ARHGEF10L: variants seen among roughly 807,000 people sequenced by gnomAD.
ARHGEF10L encodes the protein Rho guanine nucleotide exchange factor 10 like, also known as rho guanine nucleotide exchange factor 10-like protein.
A neutral mutation model predicts 141.2 loss-of-function variants in ARHGEF10L; 69 were observed. That is an observed-to-expected ratio of 0.49 (90% CI 0.40 to 0.60). The LOEUF (loss-of-function observed/expected upper bound fraction) is 0.60. Ranked by LOEUF, ARHGEF10L falls within the 20% of genes least tolerant of loss-of-function variation. The probability of loss-of-function intolerance (pLI) is 0.00; values close to 1 mark genes in which losing one functional copy is unlikely to be tolerated. For synonymous variants in ARHGEF10L, 711 were observed against 718.5 expected (o/e 0.99, Z 0.17); for missense variants, 1,482 against 1,734.3 (o/e 0.85, Z 2.58).
intron 1 of ARHGEF10L, among the ~76,000 whole-genome samples, chr1:17,543,857 A>G (rs1485245791): frequency 6.6e-6 from 1 of 151,864 alleles, no homozygotes; most frequent in East Asian, 2.0e-4. Context: ...CATGTTGGCC[A>G]GGCTGGTCTC....
At position 17,573,157 on chromosome 1, in the gene ARHGEF10L, A is replaced by T. The variant is rs1158429768; in HGVS notation, c.-43-7396A>T. 6.6e-6 allele frequency among the ~76,000 whole-genome samples: 1 copy of T among 151,964 alleles called. No individual in the cohort carries two copies. Among genetic ancestry groups the T allele is most frequent in the Non-Finnish European group, 1.5e-5 (1 of 67,960 alleles). On this transcript the variant is annotated intron_variant, in intron 1 of 28. Transcript: ENST00000361221. The surrounding 1 kb of genome is among the most constrained non-coding windows in gnomAD (Gnocchi z 4.8). ...GGGGGCTTTGGGTAGGTCCCTTCCC[A>T]TCTGAGCCTCAGCTTCCCTGTGTCT...
At chr1:17,595,523 G>A (rs1012574120) in intron 4 of ARHGEF10L, among the ~76,000 whole-genome samples, 1 of 152,292 alleles carries the variant, frequency 6.6e-6, no homozygotes, top group Non-Finnish European at 1.5e-5. Context: ...GTGATATGAT[G>A]CCACCTGAGG....
At chr1:17,602,904 T>C (rs1334063008) in intron 5 of ARHGEF10L, among the ~76,000 whole-genome samples, 1 of 151,644 alleles carries the variant, frequency 6.6e-6, no homozygotes, top group East Asian at 2.0e-4. Flanking sequence ...CGTGGTCTTG[T>C]AGGACAGGAA....
intron 1 of ARHGEF10L, among the ~76,000 whole-genome samples, chr1:17,548,009 T>C (rs192347991): frequency 2.0e-5 from 3 of 152,282 alleles, no homozygotes; most frequent in East Asian, 3.9e-4. Context: ...CCTTCTCTTA[T>C]CTGTTTTCTC....
At chr1:17,693,294 C>T (rs908149955) in intron 27 of ARHGEF10L, among the ~76,000 whole-genome samples, 2 of 152,184 alleles carry the variant, frequency 1.3e-5, no homozygotes, top group East Asian at 1.9e-4. Context: ...AGTGTCTGCT[C>T]CTTAAGACAG....
At chr1:17,655,831 C>T in intron 23 of ARHGEF10L, 48 bp from the exon 24 acceptor site, 1 of 1,518,038 alleles carries the variant, frequency 6.6e-7, no homozygotes, top group Non-Finnish European at 8.9e-7. Flanking sequence ...CTCCTCTGCT[C>T]CCTCCTGTGG....
At chr1:17,682,150 G>A (rs557848954) in intron 26 of ARHGEF10L, among the ~76,000 whole-genome samples, 2 of 152,278 alleles carry the variant, frequency 1.3e-5, no homozygotes, top group East Asian at 3.9e-4. Context: ...TTTCATCTGT[G>A]AGAAGTTCTA....
At chr1:17,632,017 C>A (rs1185104620) in intron 15 of ARHGEF10L, among the ~76,000 whole-genome samples, 2 of 152,200 alleles carry the variant, frequency 1.3e-5, no homozygotes, top group Non-Finnish European at 2.9e-5. Context: ...CAGGCAGAAT[C>A]CCTACAGAGA....
rs534503639 is a variant in ARHGEF10L, at chr1:17,673,499, C to T, written c.3009+8904C>T. Among the ~76,000 whole-genome samples the T allele has an allele frequency of 3.7e-4, 57 of 152,292 alleles. No individual in the cohort carries two copies. Among genetic ancestry groups the T allele is most frequent in the African/African-American group, 1.3e-3 (56 of 41,552 alleles). ...CAGGCCCTGGGTGTAATTAGGGAGG[C>T]TCCCTCCCTGGGTGGTTGGGAAGAA... is the stretch of plus-strand genomic sequence containing the variant. On this transcript the variant is annotated intron_variant, in intron 26 of 28. Transcript: ENST00000361221. The surrounding 1 kb of genome is among the most constrained non-coding windows in gnomAD (Gnocchi z 4.1).
At chr1:17,648,725 C>A (rs1170396338) in intron 22 of ARHGEF10L, 50 bp downstream of exon 22, 2 of 1,593,658 alleles carry the variant, frequency 1.3e-6, no homozygotes, top group Non-Finnish European at 1.7e-6. Context: ...GCTGCGGCTC[C>A]CCCTCGCCTG....
chr1:17,625,880 G>T lies in ARHGEF10L; in HGVS notation c.1318-76G>T. The T allele has an allele frequency of 7.7e-7, 1 of 1,306,242 alleles. No homozygotes were observed. The highest frequency in any genetic ancestry group is 2.3e-5 in the East Asian group (1 of 42,980). The allele number at this position is 1,306,242 out of a possible 1,614,324, so 80.9% of individuals were successfully genotyped here. A position where few individuals can be genotyped will look rare whatever the true frequency, so the allele number is the denominator to read the frequency against. On this transcript the variant is annotated intron_variant, in intron 13 of 28. Coordinates refer to ENST00000361221, the MANE Select transcript of ARHGEF10L (RefSeq NM_018125.4). This position sits in a 1 kb window ranked among gnomAD's most constrained non-coding sequence, Gnocchi z 4.5. ...GCCTGGGGAGAGGAGCCCAGAATGG[G>T]GACAGTGTCTGGACTCTGGGGCACT...
rs1220677560 is a variant in ARHGEF10L, at chr1:17,603,858, G to A, written c.433+267G>A. 6.6e-6 allele frequency among the ~76,000 whole-genome samples: 1 copy of A among 152,258 alleles called. No individual in the cohort carries two copies. The highest frequency in any genetic ancestry group is 1.5e-5 in the Non-Finnish European group (1 of 68,048). On this transcript the variant is annotated intron_variant, in intron 6 of 28. Transcript: ENST00000361221. The surrounding 1 kb of genome is among the most constrained non-coding windows in gnomAD (Gnocchi z 4.8). ...CAGGTAATCACCTTTCTAAGCCTTGGTTCCTCCTTCAGGAAAATGGGGCCA... is the reference window on the plus strand; with the variant it reads ...CAGGTAATCACCTTTCTAAGCCTTGATTCCTCCTTCAGGAAAATGGGGCCA...
At chr1:17,665,295 TC>T (rs1281401061) in intron 26 of ARHGEF10L, among the ~76,000 whole-genome samples, 2 of 152,234 alleles carry the variant, frequency 1.3e-5, no homozygotes, top group East Asian at 3.9e-4. Context: ...CAGTCTTCAT[TC>T]GCCTGCCTAG....
At chr1:17,547,615 A>C (rs964472564) in intron 1 of ARHGEF10L, among the ~76,000 whole-genome samples, 3 of 152,236 alleles carry the variant, frequency 2.0e-5, no homozygotes, top group African/African-American at 7.2e-5. Flanking sequence ...TGGTTAAATT[A>C]AGTAGGAAAA....
intron 16 of ARHGEF10L, among the ~76,000 whole-genome samples, chr1:17,633,871 T>C (rs898605001): frequency 6.6e-6 from 1 of 152,180 alleles, no homozygotes; most frequent in African/African-American, 2.4e-5. Flanking sequence ...TCACGAGTCC[T>C]GGAAGGGGAC....
In ARHGEF10L at chr1:17,639,183, C is replaced by T. The variant is rs572125590; in HGVS notation, c.2171+494C>T. Among the ~76,000 whole-genome samples, 8 of 152,234 alleles carry T rather than the reference C, an allele frequency of 5.3e-5. No individual in the cohort carries two copies. The highest frequency in any genetic ancestry group is 1.0e-4 in the Non-Finnish European group (7 of 68,050). ...GCCTGGCAGAGACAGGGAACGGGAT[C>T]TTTCTGGTCCTCCTGAGGCTTTGTA... On this transcript the variant is annotated intron_variant, in intron 20 of 28. Coordinates refer to ENST00000361221, the MANE Select transcript of ARHGEF10L (RefSeq NM_018125.4). The surrounding 1 kb of genome is among the most constrained non-coding windows in gnomAD (Gnocchi z 4.3).
intron 1 of ARHGEF10L, among the ~76,000 whole-genome samples, chr1:17,557,213 T>C (rs2077364059): frequency 6.6e-6 from 1 of 151,462 alleles, no homozygotes; most frequent in African/African-American, 2.4e-5. Context: ...TGTGGTGGCA[T>C]GCACCTGTAA....
chr1:17,689,716 A>G lies in ARHGEF10L; in HGVS notation c.3184+1969A>G, dbSNP rs529400373. On this transcript the variant is annotated intron_variant, in intron 27 of 28. Transcript: ENST00000361221. ...AAAAATGTCTCTGTATCACAAAACT[A>G]TCTCCACATTTCCTCTGATAGCTAA... is the stretch of plus-strand genomic sequence containing the variant. 1.5e-5 allele frequency: 7 copies of G among 452,494 alleles called. No homozygotes were observed. The East Asian group carries it at 4.9e-4, about 32-fold the overall frequency. The allele number at this position is 452,494 out of a possible 1,614,324, so 28.0% of individuals were successfully genotyped here.
At chr1:17,568,686 C>A (rs56173029) in intron 1 of ARHGEF10L, among the ~76,000 whole-genome samples, 8,874 of 152,192 alleles carry the variant, frequency 0.058, 431 homozygotes, top group East Asian at 0.15. Flanking sequence ...AGGCTGTGGG[C>A]GGCATCCGCA....
Sources: allele counts gnomAD v4.1 joint callset (sites outside exome capture counted in the v4.1 genomes callset), GRCh38; gene constraint gnomAD v4.1.1; non-coding constraint Gnocchi (gnomAD v3.1); transcripts MANE v1.5; gene names NCBI Gene and HGNC (gene_info 2026-07-23, HGNC 2026-07-21).